Variants in RBFOX1 observed in about 807,000 individuals in gnomAD.
RBFOX1 encodes RNA binding protein fox-1 homolog 1.
RBFOX1 carries 8 observed loss-of-function variants against 57.7 expected under a neutral mutation model. The observed-to-expected ratio is 0.14, with a 90% CI of 0.08 to 0.25. RBFOX1 has a LOEUF of 0.25. RBFOX1 is among the 10% of genes least tolerant of loss of function. The pLI, the probability that RBFOX1 is intolerant of heterozygous loss-of-function variation, is 1.00. For missense variants in RBFOX1, 611 were observed against 548.5 expected, an observed-to-expected ratio of 1.11 and a Z score of -1.14; for synonymous variants, 326 against 222.4, an observed-to-expected ratio of 1.47 and a Z score of -4.15.
intron 3 of RBFOX1, among the ~76,000 whole-genome samples, chr16:6,874,378 C>G (rs1203254887): frequency 6.6e-6 from 1 of 151,846 alleles, no homozygotes. Flanking sequence ...GGCATATTGG[C>G]AGGTGCCTGT....
chr16:6,953,506 C>G (rs1418531599), intron 3 of RBFOX1, among the ~76,000 whole-genome samples: 1 of 152,114 alleles, frequency 6.6e-6, no homozygotes, highest in African/African-American at 2.4e-5. Context: ...CTGCTTCAGC[C>G]TCCCGAGTAG....
intron 1 of RBFOX1, among the ~76,000 whole-genome samples, chr16:5,335,115 C>G (rs180816166): frequency 6.6e-6 from 1 of 152,086 alleles, no homozygotes; most frequent in South Asian, 2.1e-4. Flanking sequence ...CACAATGTTG[C>G]GAAGACTGAA....
intron 3 of RBFOX1, among the ~76,000 whole-genome samples, chr16:6,710,768 C>G (rs1446329194): frequency 6.6e-6 from 1 of 152,236 alleles, no homozygotes; most frequent in East Asian, 1.9e-4. Flanking sequence ...AACCCCAAGC[C>G]TTAGGTGGCC....
At chr16:5,481,979 C>T (rs1190952836) in intron 2 of RBFOX1, among the ~76,000 whole-genome samples, 1 of 152,184 alleles carries the variant, frequency 6.6e-6, no homozygotes, top group East Asian at 1.9e-4. Flanking sequence ...TTCTGAAGTA[C>T]TGGGACTTAG....
intron 4 of RBFOX1, among the ~76,000 whole-genome samples, chr16:5,910,765 CTTTG>C (rs754146159): frequency 5.3e-5 from 8 of 152,182 alleles, no homozygotes; most frequent in Admixed American, 1.3e-4. Context: ...TGCCTGAAAA[CTTTG>C]TTTGTTTGTT....
At chr16:6,623,733 T>C (rs917737752) in intron 2 of RBFOX1, among the ~76,000 whole-genome samples, 1 of 152,160 alleles carries the variant, frequency 6.6e-6, no homozygotes, top group Non-Finnish European at 1.5e-5. Flanking sequence ...CTGAGAATGA[T>C]GGTTTCCAGC....
intron 3 of RBFOX1, among the ~76,000 whole-genome samples, chr16:6,793,719 G>A (rs1408048413): frequency 6.6e-6 from 1 of 152,172 alleles, no homozygotes; most frequent in African/African-American, 2.4e-5. Flanking sequence ...CCTGTTGTTA[G>A]AGTATATTAA....
chr16:6,237,179 G>C (rs917510922), intron 1 of RBFOX1, among the ~76,000 whole-genome samples: 1 of 152,154 alleles, frequency 6.6e-6, no homozygotes, highest in Admixed American at 6.5e-5. Flanking sequence ...CTTTTATTAC[G>C]AACACATCTT....
chr16:7,557,758 C>G (rs1241804709), intron 5 of RBFOX1, among the ~76,000 whole-genome samples: 1 of 151,004 alleles, frequency 6.6e-6, no homozygotes, highest in African/African-American at 2.4e-5. Context: ...CAGTGAAGTG[C>G]TAGTAAATGC....
chr16:5,449,184 C>T (rs1248353122), intron 1 of RBFOX1, among the ~76,000 whole-genome samples: 1 of 152,168 alleles, frequency 6.6e-6, no homozygotes, highest in Non-Finnish European at 1.5e-5. Flanking sequence ...AGCCCCACTC[C>T]CGACAAGGCA....
intron 3 of RBFOX1, among the ~76,000 whole-genome samples, chr16:6,725,046 TTTTTTTTTTTTC>T (rs1246418572): frequency 7.4e-5 from 3 of 40,780 alleles, no homozygotes; most frequent in Non-Finnish European, 2.9e-4. Flanking sequence ...GGCTAGCTTT[TTTTTTTTTTTTC>T]TTTTTTTTTT....
At chr16:6,230,949 C>G (rs949578438) in intron 1 of RBFOX1, among the ~76,000 whole-genome samples, 8 of 152,142 alleles carry the variant, frequency 5.3e-5, no homozygotes, top group Non-Finnish European at 1.0e-4. Flanking sequence ...ATGTAGCCCT[C>G]TGACTTTATA....
At position 5,257,818 on chromosome 16, in the gene RBFOX1, C is replaced by T. The variant is rs139034308; in HGVS notation, c.219+17713C>T. On this transcript the variant is annotated intron_variant, in intron 1 of 2. Coordinates refer to the RBFOX1 transcript ENST00000585867. ...CTCTACTCTGCACCAAGCCGGGAGA[C>T]GGTCAGATCTCAAAAAAATCATTTT... 1.2e-3 allele frequency among the ~76,000 whole-genome samples: 189 copies of T among 152,094 alleles called. 1 individual carries two copies. Among genetic ancestry groups the T allele is most frequent in the African/African-American group, 4.3e-3 (177 of 41,484 alleles).
At chr16:5,957,218 T>C (rs910694344) in intron 4 of RBFOX1, among the ~76,000 whole-genome samples, 4 of 152,164 alleles carry the variant, frequency 2.6e-5, no homozygotes, top group Non-Finnish European at 1.5e-5. Flanking sequence ...TTTTTCTTTT[T>C]CTTTTTCTTT....
chr16:5,365,444 G>C (rs944541995), intron 1 of RBFOX1, among the ~76,000 whole-genome samples: 4 of 152,180 alleles, frequency 2.6e-5, no homozygotes, highest in Non-Finnish European at 1.5e-5. Flanking sequence ...AAGGTGGGAG[G>C]AACACATGAG....
At chr16:5,269,242 C>T (rs531803298) in intron 1 of RBFOX1, among the ~76,000 whole-genome samples, 1 of 152,344 alleles carries the variant, frequency 6.6e-6, no homozygotes, top group East Asian at 1.9e-4. Flanking sequence ...CAATTCCAGC[C>T]ATCCTTATGG....
chr16:7,325,532 C>T (rs1050701592), intron 4 of RBFOX1, among the ~76,000 whole-genome samples: 1 of 152,142 alleles, frequency 6.6e-6, no homozygotes, highest in Admixed American at 6.5e-5. Context: ...TCCCATGGAA[C>T]GGCTCATTTG....
chr16:7,122,164 C>G (rs2067335295), intron 4 of RBFOX1, among the ~76,000 whole-genome samples: 1 of 151,858 alleles, frequency 6.6e-6, no homozygotes, highest in South Asian at 2.1e-4. Flanking sequence ...TTTGACTTAA[C>G]AAAATTGTTA....
intron 2 of RBFOX1, among the ~76,000 whole-genome samples, chr16:6,519,817 C>A (rs1598760173): frequency 6.6e-6 from 1 of 152,204 alleles, no homozygotes; most frequent in Admixed American, 6.5e-5. Context: ...CTAAGGTCTT[C>A]ATTATCTCCA....
Sources: allele counts gnomAD v4.1 joint callset (sites outside exome capture counted in the v4.1 genomes callset), GRCh38; gene constraint gnomAD v4.1.1; transcripts MANE v1.5; gene names NCBI Gene and HGNC (gene_info 2026-07-23, HGNC 2026-07-21).